EEIG2: variants seen among roughly 807,000 people sequenced by gnomAD.
The protein encoded by EEIG2 is EEIG family member 2, also known as family with sequence similarity 102 member B.
the EEIG2 span, chr1:108,624,729 A>C: frequency 6.2e-7 from 1 of 1,614,060 alleles, no homozygotes; most frequent in Admixed American, 1.7e-5. Flanking sequence ...AGACTCTCAA[A>C]GTGCATCTTG....
the EEIG2 span, among the ~76,000 whole-genome samples, chr1:108,582,005 C>T: frequency 1.3e-5 from 2 of 152,208 alleles, no homozygotes; most frequent in South Asian, 4.1e-4. Context: ...CCACAGCCAC[C>T]CCAACCCTTA....
the EEIG2 span, among the ~76,000 whole-genome samples, chr1:108,614,215 A>AAG: frequency 6.6e-6 from 1 of 150,538 alleles, no homozygotes; most frequent in African/African-American, 2.4e-5. Flanking sequence ...TAAAAAAAAA[A>AAG]AAAAAAAAAA....
At chr1:108,570,752 A>C in the EEIG2 span, among the ~76,000 whole-genome samples, 16 of 152,196 alleles carry the variant, frequency 1.1e-4, no homozygotes, top group Non-Finnish European at 1.2e-4. Context: ...AGTTGGGAGT[A>C]CTGGTGAGAA....
At chr1:108,570,212 A>C in the EEIG2 span, among the ~76,000 whole-genome samples, 1 of 152,202 alleles carries the variant, frequency 6.6e-6, no homozygotes, top group Non-Finnish European at 1.5e-5. Flanking sequence ...TTTTTTTAAA[A>C]GTCTAGCTGG....
the EEIG2 span, among the ~76,000 whole-genome samples, chr1:108,623,521 G>GTA: frequency 6.6e-6 from 1 of 151,988 alleles, no homozygotes; most frequent in Non-Finnish European, 1.5e-5. Context: ...AAATAAAAGA[G>GTA]TATAATTGGA....
chr1:108,585,380 A>G, the EEIG2 span, among the ~76,000 whole-genome samples: 1 of 152,108 alleles, frequency 6.6e-6, no homozygotes, highest in East Asian at 1.9e-4. Context: ...TGTTTGTTAG[A>G]GTTTCTCTAA....
chr1:108,610,794 C>T, the EEIG2 span, among the ~76,000 whole-genome samples: 3 of 152,010 alleles, frequency 2.0e-5, no homozygotes, highest in African/African-American at 7.3e-5. Context: ...ATTAGCCAGG[C>T]GTGGTGGTGG....
the EEIG2 span, among the ~76,000 whole-genome samples, chr1:108,581,438 T>C: frequency 6.6e-6 from 1 of 152,228 alleles, no homozygotes. Context: ...ATTCCTCTGA[T>C]GGACCTGAGT....
the EEIG2 span, among the ~76,000 whole-genome samples, chr1:108,597,449 A>G: frequency 2.3e-4 from 35 of 152,162 alleles, no homozygotes; most frequent in Non-Finnish European, 1.2e-4. Flanking sequence ...CTTCTGTTTC[A>G]TCTTATCAGG....
At chr1:108,566,966 C>A in the EEIG2 span, among the ~76,000 whole-genome samples, 1 of 152,010 alleles carries the variant, frequency 6.6e-6, no homozygotes, top group Non-Finnish European at 1.5e-5. Flanking sequence ...ATGTATTATA[C>A]TTGAAAATTG....
At chr1:108,628,530 A>T in the EEIG2 span, 1 of 1,614,144 alleles carries the variant, frequency 6.2e-7, no homozygotes, top group Non-Finnish European at 8.5e-7. Flanking sequence ...AAAATCGCTG[A>T]GCCAAATCTT....
At chr1:108,624,836 C>A in the EEIG2 span, 1 of 987,834 alleles carries the variant, frequency 1.0e-6, no homozygotes, top group Non-Finnish European at 1.6e-6. Context: ...GGGTATTTGA[C>A]TTGAAACAGG....
At chr1:108,563,626 A>G in the EEIG2 span, among the ~76,000 whole-genome samples, 2 of 152,198 alleles carry the variant, frequency 1.3e-5, no homozygotes, top group Non-Finnish European at 2.9e-5. Flanking sequence ...ATATATATTA[A>G]TATATTTGGC....
the EEIG2 span, among the ~76,000 whole-genome samples, chr1:108,615,327 A>G: frequency 1.3e-5 from 2 of 152,226 alleles, no homozygotes; most frequent in South Asian, 4.1e-4. Flanking sequence ...TGCCTGGCAC[A>G]TAATGAATTC....
At chr1:108,572,901 A>G in the EEIG2 span, among the ~76,000 whole-genome samples, 1 of 152,186 alleles carries the variant, frequency 6.6e-6, no homozygotes, top group Non-Finnish European at 1.5e-5. Context: ...TCACTTAGTA[A>G]TATGCATTTA....
chr1:108,632,792 G>C, the EEIG2 span, among the ~76,000 whole-genome samples: 1 of 152,060 alleles, frequency 6.6e-6, no homozygotes, highest in African/African-American at 2.4e-5. Flanking sequence ...AGAAAAGGTA[G>C]TTCCAACCAA....
chr1:108,607,357 C>T, the EEIG2 span, among the ~76,000 whole-genome samples: 507 of 152,232 alleles, frequency 3.3e-3, 4 homozygotes, highest in African/African-American at 0.012. Flanking sequence ...GGAGGGTTTT[C>T]CCATACCTTT....
At chr1:108,621,715 T>G in the EEIG2 span, among the ~76,000 whole-genome samples, 1 of 152,140 alleles carries the variant, frequency 6.6e-6, no homozygotes. Flanking sequence ...AGGTAAGAAT[T>G]TTTAGACATG....
the EEIG2 span, among the ~76,000 whole-genome samples, chr1:108,586,983 T>C: frequency 1.3e-5 from 2 of 152,194 alleles, no homozygotes; most frequent in Non-Finnish European, 2.9e-5. Context: ...ACAACACCAA[T>C]GTACATTTTC....
Sources: allele counts gnomAD v4.1 joint callset (sites outside exome capture counted in the v4.1 genomes callset), GRCh38; gene constraint gnomAD v4.1.1; transcripts MANE v1.5; gene names NCBI Gene and HGNC (gene_info 2026-07-23, HGNC 2026-07-21).